The following ATP8A1 variants were observed in gnomAD, a reference collection of about 807,000 sequenced individuals.
ATP8A1 encodes the protein ATPase phospholipid transporting 8A1, also known as phospholipid-transporting ATPase IA.
In ATP8A1, 90 loss-of-function variants were observed where a neutral mutation model predicts 177.7. The observed-to-expected ratio is 0.51, with a 90% CI of 0.43 to 0.60. ATP8A1 has a LOEUF of 0.60. Among genes scored for constraint, ATP8A1 ranks in the 20% least tolerant of loss-of-function variants. The probability of loss-of-function intolerance (pLI) is 0.00; values close to 1 mark genes in which losing one functional copy is unlikely to be tolerated. For synonymous variants in ATP8A1, 493 were observed against 485.9 expected (o/e 1.01, Z -0.19); for missense variants, 1,072 against 1,392.8 (o/e 0.77, Z 3.67).
chr4:42,497,295 G>A (rs187108367), intron 24 of ATP8A1, among the ~76,000 whole-genome samples: 95 of 152,272 alleles, frequency 6.2e-4, no homozygotes, highest in African/African-American at 2.1e-3. Context: ...TACACCAGGC[G>A]TACTGGCACA....
chr4:42,471,458 A>G (rs1239362236), intron 25 of ATP8A1, among the ~76,000 whole-genome samples: 1 of 152,220 alleles, frequency 6.6e-6, no homozygotes, highest in Non-Finnish European at 1.5e-5. Flanking sequence ...TCTTTTGTAG[A>G]ATTTATGTGG....
intron 27 of ATP8A1, among the ~76,000 whole-genome samples, chr4:42,463,425 C>T (rs1719383994): frequency 6.6e-6 from 1 of 152,324 alleles, no homozygotes; most frequent in Admixed American, 6.5e-5. Context: ...CGACTCGCTC[C>T]TCCTTGCCTT....
chr4:42,652,294 G>A (rs1387783166), intron 1 of ATP8A1, among the ~76,000 whole-genome samples: 1 of 152,060 alleles, frequency 6.6e-6, no homozygotes, highest in African/African-American at 2.4e-5. Context: ...GGTATCTTGG[G>A]AGGCTCATTA....
chr4:42,623,009 C>CAA lies in ATP8A1; in HGVS notation c.363+1525_363+1526dup, dbSNP rs200111147. Among the ~76,000 whole-genome samples, 100 of 116,122 alleles carry CAA rather than the reference C, an allele frequency of 8.6e-4. 1 individual carries two copies. Among genetic ancestry groups the CAA allele is most frequent in the Non-Finnish European group, 1.1e-3 (63 of 56,836 alleles). The allele number at this position is 116,122 out of a possible 152,430, so 76.2% of individuals were successfully genotyped here. A position where few individuals can be genotyped will look rare whatever the true frequency, so the allele number is the denominator to read the frequency against. ...GGGTGATAAGAGCGAAACTCTGTCT[C>CAA]AAAAAAAAAAAAAAAGGTGGGCAAA... On this transcript the variant is annotated intron_variant, in intron 4 of 36. Transcript: ENST00000381668.
In ATP8A1 at chr4:42,507,007, G is replaced by A. The variant is rs1208149314; in HGVS notation, c.2086+9C>T. ...CACCAACATGTAAAATGTGAACTAG[G>A]TGAATTACCGATGTTAATGGCAGTT... On this transcript the variant is annotated intron_variant, in intron 23 of 36. Coordinates refer to ENST00000381668, the MANE Select transcript of ATP8A1 (RefSeq NM_006095.2). 1.9e-6 allele frequency: 3 copies of A among 1,612,332 alleles called. No individual in the cohort carries two copies. The highest frequency in any genetic ancestry group is 2.7e-5 in the African/African-American group (2 of 74,958).
Position 42,501,851 on chromosome 4 carries a change from AG to A in ATP8A1, c.2151+1598del, listed in dbSNP as rs1723885720. 2.0e-5 allele frequency among the ~76,000 whole-genome samples: 3 copies of A among 152,180 alleles called. No individual in the cohort carries two copies. The South Asian group carries it at 6.2e-4, about 32-fold the overall frequency. On this transcript the variant is annotated intron_variant, in intron 24 of 36. Transcript: ENST00000381668. ...TAAAGTCACCACTTAACTCCCTGGG[AG>A]AAAAGCCTTCCCCAGACAGCAGTGT... is the stretch of plus-strand genomic sequence containing the variant.
chr4:42,597,254 C>A (rs1734810783), intron 6 of ATP8A1, among the ~76,000 whole-genome samples: 1 of 152,156 alleles, frequency 6.6e-6, no homozygotes, highest in South Asian at 2.1e-4. Flanking sequence ...AGACGACACT[C>A]TTGGTTTTGG....
intron 8 of ATP8A1, among the ~76,000 whole-genome samples, chr4:42,587,897 C>A (rs527338420): frequency 4.6e-5 from 7 of 152,268 alleles, no homozygotes; most frequent in African/African-American, 1.7e-4. Context: ...CGTGAGCCAC[C>A]GCGCCCGGCC....
intron 22 of ATP8A1, among the ~76,000 whole-genome samples, chr4:42,509,825 C>T (rs2153195070): frequency 7.2e-6 from 1 of 137,956 alleles, no homozygotes. Flanking sequence ...GCACTCCAGC[C>T]TGGGCAACAG....
chr4:42,573,663 A>G (rs1732130861), intron 14 of ATP8A1, among the ~76,000 whole-genome samples: 1 of 152,240 alleles, frequency 6.6e-6, no homozygotes, highest in Non-Finnish European at 1.5e-5. Context: ...GAACAAGGAT[A>G]TCTAGGAATA....
intron 6 of ATP8A1, among the ~76,000 whole-genome samples, chr4:42,593,260 C>T (rs1211448258): frequency 2.0e-5 from 3 of 151,964 alleles, no homozygotes; most frequent in South Asian, 2.1e-4. Flanking sequence ...CAAGAATGGA[C>T]GGTTAGCTTC....
chr4:42,481,488 A>T (rs1044570912), intron 25 of ATP8A1, among the ~76,000 whole-genome samples: 2 of 152,256 alleles, frequency 1.3e-5, no homozygotes, highest in African/African-American at 4.8e-5. Flanking sequence ...CTGCCAAATC[A>T]GTAGAGCTAG....
At chr4:42,570,879 C>CT (rs201382589) in intron 14 of ATP8A1, among the ~76,000 whole-genome samples, 1,792 of 152,238 alleles carry the variant, frequency 0.012, 31 homozygotes, top group African/African-American at 0.041. Context: ...ATCAAACCAC[C>CT]CATTATAGCC....
At chr4:42,572,961 T>C (rs1732053540) in intron 14 of ATP8A1, among the ~76,000 whole-genome samples, 2 of 152,196 alleles carry the variant, frequency 1.3e-5, no homozygotes, top group Non-Finnish European at 2.9e-5. Flanking sequence ...ATCTCAATGA[T>C]GACAATACTG....
rs143128721 is a variant in ATP8A1, at chr4:42,503,309, A to C, written c.2151+141T>G. ...ACATCAATGTGACTCAAAACAGAGTACATTATGTTAAAACAGAACAACAGT... is the reference window on the plus strand; with the variant it reads ...ACATCAATGTGACTCAAAACAGAGTCCATTATGTTAAAACAGAACAACAGT... On this transcript the variant is annotated intron_variant, in intron 24 of 36. Transcript: ENST00000381668. 4.4e-3 allele frequency: 2,204 copies of C among 504,812 alleles called. 21 individuals carry two copies. The highest frequency in any genetic ancestry group is 0.019 in the South Asian group (467 of 25,090). The allele number at this position is 504,812 out of a possible 1,614,324, so 31.3% of individuals were successfully genotyped here.
chr4:42,568,194 C>A (rs1235172622), intron 15 of ATP8A1, among the ~76,000 whole-genome samples: 2 of 152,152 alleles, frequency 1.3e-5, no homozygotes, highest in Non-Finnish European at 2.9e-5. Flanking sequence ...TCACAAGAAC[C>A]AAACAGCTGC....
intron 5 of ATP8A1, among the ~76,000 whole-genome samples, chr4:42,604,415 T>C (rs577212120): frequency 6.0e-4 from 56 of 92,722 alleles, no homozygotes; most frequent in Non-Finnish European, 1.1e-3. Context: ...TCCAGTGTTA[T>C]CACACAGCAC....
chr4:42,456,583 T>C (rs1467740637), intron 27 of ATP8A1, among the ~76,000 whole-genome samples: 1 of 152,104 alleles, frequency 6.6e-6, no homozygotes, highest in African/African-American at 2.4e-5. Flanking sequence ...TAAGAAAAAT[T>C]AAAGTGACAA....
chr4:42,522,997 C>T (rs1047910921), intron 21 of ATP8A1, among the ~76,000 whole-genome samples: 2 of 152,156 alleles, frequency 1.3e-5, no homozygotes, highest in African/African-American at 4.8e-5. Flanking sequence ...GGAAGAGAGA[C>T]CCTGGTGGGG....
Sources: gnomAD v4.1 joint callset for allele counts (sites outside exome capture counted in the v4.1 genomes callset) on GRCh38, gnomAD v4.1.1 for gene constraint, MANE v1.5 for transcripts, NCBI Gene and HGNC (gene_info 2026-07-23, HGNC 2026-07-21) for gene names.